Variants in NHS observed in about 807,000 individuals in gnomAD.
NHS encodes NHS actin remodeling regulator, also known as actin remodeling regulator NHS.
In NHS, 5 loss-of-function variants were observed where a neutral mutation model predicts 72.5. That is an observed-to-expected ratio of 0.07 (90% CI 0.04 to 0.14). The LOEUF (loss-of-function observed/expected upper bound fraction) is 0.14. NHS is among the 10% of genes least tolerant of loss of function. NHS has a pLI of 1.00. For synonymous variants in NHS, 464 were observed against 547.7 expected, an observed-to-expected ratio of 0.85 and a Z score of 2.13; for missense variants, 1,072 against 1,355.7, an observed-to-expected ratio of 0.79 and a Z score of 3.29.
intron 1 of NHS, among the ~76,000 whole-genome samples, chrX:17,413,704 C>T (rs973721804): frequency 9.0e-6 from 1 of 111,688 alleles, no homozygotes; most frequent in Non-Finnish European, 1.9e-5. Flanking sequence ...TGTTTGTCCT[C>T]GGGGGAGCTA....
rs147750222 is a variant in NHS, at chrX:17,581,796, C to T, written c.566-105946C>T. ...TGATGAAGGCAAGATCTCCTGCGAACGTTTGGAATGAAACACTTTGTCAGG... is the reference window on the plus strand; with the variant it reads ...TGATGAAGGCAAGATCTCCTGCGAATGTTTGGAATGAAACACTTTGTCAGG... On this transcript the variant is annotated intron_variant, in intron 1 of 8. Transcript: ENST00000676302. Among the ~76,000 whole-genome samples the T allele has an allele frequency of 5.2e-3, 577 of 111,752 alleles. 4 individuals carry two copies. The highest frequency in any genetic ancestry group is 0.018 in the African/African-American group (546 of 30,780).
chrX:17,432,974 A>G (rs1002532121), intron 1 of NHS, among the ~76,000 whole-genome samples: 1 of 111,747 alleles, frequency 8.9e-6, no homozygotes, highest in African/African-American at 3.2e-5. Context: ...GAGTTCAACA[A>G]TTTCAGAAAA....
At chrX:17,660,845 AC>A (rs1457839949) in intron 1 of NHS, among the ~76,000 whole-genome samples, 1 of 112,448 alleles carries the variant, frequency 8.9e-6, no homozygotes, top group African/African-American at 3.2e-5. Context: ...ATAACAGGAG[AC>A]CTGGAAGTAG....
intron 1 of NHS, among the ~76,000 whole-genome samples, chrX:17,421,895 T>C (rs1384462892): frequency 9.0e-6 from 1 of 111,229 alleles, no homozygotes; most frequent in African/African-American, 3.3e-5. Flanking sequence ...TTATTTTTAA[T>C]TAATGTTTTC....
intron 1 of NHS, among the ~76,000 whole-genome samples, chrX:17,476,306 C>T (rs1054065149): frequency 9.0e-6 from 1 of 111,638 alleles, no homozygotes; most frequent in Non-Finnish European, 1.9e-5. Context: ...TTAATCCCTC[C>T]CTCCCCTTTT....
intron 1 of NHS, among the ~76,000 whole-genome samples, chrX:17,494,424 A>G (rs1454979854): frequency 8.9e-6 from 1 of 111,948 alleles, no homozygotes; most frequent in Non-Finnish European, 1.9e-5. Flanking sequence ...TTTCCAAAAT[A>G]TGAAGGAATG....
At chrX:17,377,296 C>T (rs985649720) in intron 1 of NHS, among the ~76,000 whole-genome samples, 5 of 112,569 alleles carry the variant, frequency 4.4e-5, no homozygotes, top group African/African-American at 1.6e-4. Context: ...AATAAATAGT[C>T]ATTCTATGTC....
chrX:17,416,792 A>ATGTGTGTGTGTGTGTGTGTGTG (rs770265000), intron 1 of NHS, among the ~76,000 whole-genome samples: 1 of 95,715 alleles, frequency 1.0e-5, no homozygotes, highest in African/African-American at 3.9e-5. Context: ...ATGTAGGAGT[A>ATGTGTGTGTGTGTGTGTGTGTG]TGTGTGTGTG....
chrX:17,665,064 A>G (rs775181690), intron 1 of NHS, among the ~76,000 whole-genome samples: 82 of 109,370 alleles, frequency 7.5e-4, no homozygotes, highest in African/African-American at 2.5e-3. Context: ...ATTTATATGT[A>G]TGTATATATA....
chrX:17,538,576 G>C (rs753824211), intron 1 of NHS, among the ~76,000 whole-genome samples: 4 of 111,677 alleles, frequency 3.6e-5, no homozygotes, highest in South Asian at 3.8e-4. Context: ...GAGATGTTGA[G>C]TCCTGGCACT....
intron 1 of NHS, among the ~76,000 whole-genome samples, chrX:17,593,337 A>G (rs2065611353): frequency 9.0e-6 from 1 of 111,022 alleles, no homozygotes; most frequent in South Asian, 3.9e-4. Context: ...TGCTTTTATT[A>G]TTAATATAGT....
At chrX:17,561,734 T>C (rs749779596) in intron 1 of NHS, among the ~76,000 whole-genome samples, 1 of 106,544 alleles carries the variant, frequency 9.4e-6, no homozygotes, top group South Asian at 4.3e-4. Flanking sequence ...CCCAGGTTCA[T>C]GGGTGAAGTT....
intron 1 of NHS, among the ~76,000 whole-genome samples, chrX:17,440,076 G>A (rs1352653154): frequency 9.2e-6 from 1 of 109,004 alleles, no homozygotes. Flanking sequence ...CCTGGCCAAC[G>A]TGGTGAAACC....
chrX:17,394,223 C>T (rs1374197951), intron 1 of NHS, among the ~76,000 whole-genome samples: 1 of 111,763 alleles, frequency 8.9e-6, no homozygotes, highest in Non-Finnish European at 1.9e-5. Context: ...GATGCCTTTA[C>T]AGTTAAGTCT....
chrX:17,572,515 C>CTTTTTTTTTTTTTTTTT (rs1188248074), intron 1 of NHS, among the ~76,000 whole-genome samples: 47 of 28,925 alleles, frequency 1.6e-3, no homozygotes, highest in African/African-American at 6.0e-3. Flanking sequence ...TTTTTTTTTG[C>CTTTTTTTTTTTTTTTTT]TTTCCATTTG....
At chrX:17,448,905 A>G (rs191547695) in intron 1 of NHS, among the ~76,000 whole-genome samples, 119 of 112,611 alleles carry the variant, frequency 1.1e-3, no homozygotes, top group Admixed American at 1.3e-3. Flanking sequence ...TCTAGATGAT[A>G]ATAATAATAA....
chrX:17,733,721 T>G lies in NHS; in HGVS notation c.*1257T>G, dbSNP rs1184226222. ...AAAATAGGTATGTGTATATGCATTA[T>G]TTATACTCATTGTTAAACTGGGAAT... is the stretch of plus-strand genomic sequence containing the variant. On this transcript the variant is annotated 3_prime_UTR_variant, in exon 9 of 9. Coordinates refer to ENST00000676302, the MANE Select transcript of NHS (RefSeq NM_001291867.2). The G allele has an allele frequency of 8.9e-6, 1 of 112,174 alleles. No individual in the cohort carries two copies. Among genetic ancestry groups the G allele is most frequent in the Non-Finnish European group, 1.9e-5 (1 of 53,226 alleles). The allele number at this position is 112,174 out of a possible 1,213,427, so 9.2% of individuals were successfully genotyped here. A position where few individuals can be genotyped will look rare whatever the true frequency, so the allele number is the denominator to read the frequency against.
At chrX:17,470,873 G>A (rs942661234) in intron 1 of NHS, among the ~76,000 whole-genome samples, 1 of 111,591 alleles carries the variant, frequency 9.0e-6, no homozygotes, top group African/African-American at 3.3e-5. Flanking sequence ...CCTGACTTGT[G>A]ATATATTTAC....
At position 17,561,570 on chromosome X, in the gene NHS, G is replaced by GCACACACA. The variant is rs1365009034; in HGVS notation, c.566-126171_566-126170insACACACAC. Among the ~76,000 whole-genome samples, 257 of 63,115 alleles carry GCACACACA rather than the reference G, an allele frequency of 4.1e-3. 1 individual carries two copies. The highest frequency in any genetic ancestry group is 0.017 in the African/African-American group (234 of 14,052). The allele number at this position is 63,115 out of a possible 115,157, so 54.8% of individuals were successfully genotyped here. On this transcript the variant is annotated intron_variant, in intron 1 of 8. Transcript: ENST00000676302. ...CATGCAAGTGCATGCGCGCGCGCGCGCGCGCACACACACACACACACACAC... is the reference window on the plus strand; with the variant it reads ...CATGCAAGTGCATGCGCGCGCGCGCGCACACACACGCGCACACACACACACACACACAC...
Sources: allele counts gnomAD v4.1 joint callset (sites outside exome capture counted in the v4.1 genomes callset), GRCh38; gene constraint gnomAD v4.1.1; transcripts MANE v1.5; gene names NCBI Gene and HGNC (gene_info 2026-07-23, HGNC 2026-07-21).